ZNF93: variants seen among roughly 807,000 people sequenced by gnomAD.
ZNF93 encodes the protein zinc finger protein 505.
Under a neutral mutation model 45.0 loss-of-function variants are expected in ZNF93, and 29 were observed. The observed-to-expected ratio is 0.64, with a 90% CI of 0.48 to 0.88. ZNF93 has a LOEUF of 0.88. Ranked by LOEUF, ZNF93 falls within the 40% of genes least tolerant of loss-of-function variation. The probability of loss-of-function intolerance (pLI) is 0.00; values close to 1 mark genes in which losing one functional copy is unlikely to be tolerated. For missense variants in ZNF93, 578 were observed against 724.0 expected, an observed-to-expected ratio of 0.80 and a Z score of 2.31; for synonymous variants, 223 against 244.6, an observed-to-expected ratio of 0.91 and a Z score of 0.82.
chr19:19,906,986 A>C (rs980946819), intron 1 of ZNF93, among the ~76,000 whole-genome samples: 7 of 149,628 alleles, frequency 4.7e-5, no homozygotes, highest in Middle Eastern at 3.4e-3. Flanking sequence ...AGAGTTCAAA[A>C]ATTCTTTAAA....
chr19:19,903,591 C>G (rs2063283239), intron 1 of ZNF93, among the ~76,000 whole-genome samples: 2 of 152,048 alleles, frequency 1.3e-5, no homozygotes, highest in Non-Finnish European at 2.9e-5. Context: ...CGTGGTGAAA[C>G]TCCATCGTTA....
chr19:19,902,961 G>T (rs1341080431), intron 1 of ZNF93, among the ~76,000 whole-genome samples: 3 of 151,828 alleles, frequency 2.0e-5, no homozygotes, highest in African/African-American at 4.8e-5. Context: ...GGATGGTCTC[G>T]ATCTCATGAC....
chr19:19,922,871 C>T (rs762579763), intron 3 of ZNF93, among the ~76,000 whole-genome samples: 32 of 152,274 alleles, frequency 2.1e-4, no homozygotes, highest in Non-Finnish European at 2.1e-4. Flanking sequence ...AACTTCTTTG[C>T]CATGGGTTTG....
chr19:19,903,028 C>T (rs1484883874), intron 1 of ZNF93, among the ~76,000 whole-genome samples: 1 of 152,180 alleles, frequency 6.6e-6, no homozygotes, highest in East Asian at 1.9e-4. Context: ...CGTGAGCCAC[C>T]GCGCCCGGCC....
intron 3 of ZNF93, among the ~76,000 whole-genome samples, chr19:19,931,805 G>A (rs2063375188): frequency 6.6e-6 from 1 of 152,018 alleles, no homozygotes; most frequent in African/African-American, 2.4e-5. Flanking sequence ...GTACTGGCAT[G>A]CTTTGATTAT....
intron 1 of ZNF93, among the ~76,000 whole-genome samples, chr19:19,910,586 T>G (rs1056078377): frequency 6.6e-6 from 1 of 152,088 alleles, no homozygotes; most frequent in African/African-American, 2.4e-5. Flanking sequence ...GAATCTTTGC[T>G]CCCAGGTTAT....
chr19:19,920,724 AT>A (rs1306246057), intron 3 of ZNF93, among the ~76,000 whole-genome samples: 1 of 152,048 alleles, frequency 6.6e-6, no homozygotes, highest in Non-Finnish European at 1.5e-5. Flanking sequence ...TTTCTAGTTT[AT>A]TTGCGTAGAG....
At chr19:19,901,181 TAGTC>T (rs1259869090) in intron 1 of ZNF93, 90 bp downstream of exon 1, 25 of 1,582,550 alleles carry the variant, frequency 1.6e-5, no homozygotes, top group South Asian at 1.1e-4. Flanking sequence ...GGTATCCCCT[TAGTC>T]AGCTCCACAA....
intron 3 of ZNF93, among the ~76,000 whole-genome samples, chr19:19,918,519 A>G (rs1177307633): frequency 6.6e-6 from 1 of 152,166 alleles, no homozygotes; most frequent in Non-Finnish European, 1.5e-5. Flanking sequence ...TCCCTGAGGA[A>G]TCGCCACACT....
Position 19,933,543 on chromosome 19 carries a change from T to G in ZNF93, c.588T>G (p.Thr196=). ...TTATAACACATAAGAAAATTCATAC[T>G]GGAGAGAAACCCTACATTTGTGAAG... The part of the protein sequence containing the change: ...STLITHKKIH[T]GEKPYICEEC... The change falls in exon 4 of 4, where the codon ACT becomes ACG. Residue 196 remains threonine, a synonymous_variant. Coordinates refer to ENST00000343769, the MANE Select transcript of ZNF93 (RefSeq NM_031218.4). 6.2e-7 allele frequency: 1 copy of G among 1,608,184 alleles called. No individual in the cohort carries two copies. Among genetic ancestry groups the G allele is most frequent in the Non-Finnish European group, 8.5e-7 (1 of 1,177,868 alleles).
Position 19,934,963 on chromosome 19 carries a change from T to A in ZNF93, c.*145T>A. On this transcript the variant is annotated 3_prime_UTR_variant, in exon 4 of 4. Transcript: ENST00000343769. ...TGCCATTTCGGAGACCTGGAGGAAGTGGCCCATTTACAGCCATGTAGGCAG... is the reference window on the plus strand; with the variant it reads ...TGCCATTTCGGAGACCTGGAGGAAGAGGCCCATTTACAGCCATGTAGGCAG... 1.1e-6 allele frequency: 1 copy of A among 910,088 alleles called. No homozygotes were observed. Among genetic ancestry groups the A allele is most frequent in the Non-Finnish European group, 1.6e-6 (1 of 621,782 alleles). 56.4% of individuals were successfully genotyped at this position (910,088 alleles called of 1,614,324 possible).
intron 3 of ZNF93, among the ~76,000 whole-genome samples, chr19:19,928,595 G>C (rs567885497): frequency 2.0e-5 from 3 of 152,282 alleles, no homozygotes; most frequent in South Asian, 2.1e-4. Context: ...CAGAATTTTA[G>C]CTTATTGTAG....
At chr19:19,917,944 CTT>C (rs779565529) in intron 3 of ZNF93, among the ~76,000 whole-genome samples, 2 of 147,274 alleles carry the variant, frequency 1.4e-5, no homozygotes, top group African/African-American at 5.1e-5. Context: ...TTCCTTCTTT[CTT>C]TTTTTTTCTT....
At chr19:19,921,861 G>C (rs1037889880) in intron 3 of ZNF93, among the ~76,000 whole-genome samples, 3 of 152,008 alleles carry the variant, frequency 2.0e-5, no homozygotes, top group African/African-American at 7.3e-5. Context: ...TGGGTTTCCT[G>C]AATATAGCAC....
At chr19:19,931,907 A>G (rs769926464) in intron 3 of ZNF93, 4 of 291,690 alleles carry the variant, frequency 1.4e-5, no homozygotes, top group Non-Finnish European at 2.6e-5. Context: ...TTAAAACAAT[A>G]TATTTTAATC....
At chr19:19,924,989 C>T (rs1315456450) in intron 3 of ZNF93, among the ~76,000 whole-genome samples, 3 of 152,154 alleles carry the variant, frequency 2.0e-5, no homozygotes, top group South Asian at 2.1e-4. Context: ...GCAGTAAAAG[C>T]GAAGGTCTGT....
rs1220581386 is a variant in ZNF93 at position 19,933,858 on chromosome 19, T to C, written c.903T>C (p.Thr301=). ...GKAFNQSSTL[T]KHKKIHTGEK... ...CTTTTAACCAATCCTCAACACTTAC[T>C]AAACATAAGAAAATTCATACTGGAG... The change falls in exon 4 of 4, where the codon ACT becomes ACC. Residue 301 remains threonine, a synonymous_variant. Coordinates refer to ENST00000343769, the MANE Select transcript of ZNF93 (RefSeq NM_031218.4). 2 of 1,612,374 alleles carry C rather than the reference T, an allele frequency of 1.2e-6. No individual in the cohort carries two copies. Among genetic ancestry groups the C allele is most frequent in the African/African-American group, 2.7e-5 (2 of 74,480 alleles).
chr19:19,932,556 G>C (rs930180477), intron 3 of ZNF93: 8 of 152,076 alleles, frequency 5.3e-5, no homozygotes, highest in African/African-American at 1.9e-4. Flanking sequence ...GATAATTCCT[G>C]TACTTTTGTG....
At chr19:19,902,121 C>T (rs2063274305) in intron 1 of ZNF93, among the ~76,000 whole-genome samples, 1 of 152,070 alleles carries the variant, frequency 6.6e-6, no homozygotes, top group African/African-American at 2.4e-5. Flanking sequence ...ATTTCCTTCC[C>T]TTATGTAAAT....
Sources: allele counts gnomAD v4.1 joint callset (sites outside exome capture counted in the v4.1 genomes callset), GRCh38; gene constraint gnomAD v4.1.1; transcripts MANE v1.5; gene names NCBI Gene and HGNC (gene_info 2026-07-23, HGNC 2026-07-21).